Variants in PIK3R1 observed in about 807,000 individuals in gnomAD.
The protein encoded by PIK3R1 is phosphoinositide-3-kinase regulatory subunit 1.
Under a neutral mutation model 98.0 loss-of-function variants are expected in PIK3R1, and 29 were observed. That is an observed-to-expected ratio of 0.30 (90% CI 0.22 to 0.40). The LOEUF (loss-of-function observed/expected upper bound fraction) is 0.40. PIK3R1 is among the 10% of genes least tolerant of loss of function. PIK3R1 has a pLI of 1.00. For missense variants in PIK3R1, 596 were observed against 872.7 expected, an observed-to-expected ratio of 0.68 and a Z score of 3.99; for synonymous variants, 282 against 311.8, an observed-to-expected ratio of 0.90 and a Z score of 1.01.
At position 68,297,866 on chromosome 5, in the gene PIK3R1, A is replaced by T. The variant is rs1747819901; in HGVS notation, c.*265A>T. ...TGGTTTAATTTAAAGCCACAACCACATACAACACAAAGAGAAAAAGAAATG... is the reference window on the plus strand; with the variant it reads ...TGGTTTAATTTAAAGCCACAACCACTTACAACACAAAGAGAAAAAGAAATG... On this transcript the variant is annotated 3_prime_UTR_variant, in exon 16 of 16. Transcript: ENST00000521381. 3.2e-6 allele frequency: 1 copy of T among 309,128 alleles called. No individual in the cohort carries two copies. The highest frequency in any genetic ancestry group is 1.2e-4 in the South Asian group (1 of 8,072). 19.1% of individuals were successfully genotyped at this position (309,128 alleles called of 1,614,324 possible).
intron 7 of PIK3R1, among the ~76,000 whole-genome samples, chr5:68,288,972 C>T (rs1369192260): frequency 6.6e-6 from 1 of 152,034 alleles, no homozygotes; most frequent in Non-Finnish European, 1.5e-5. Flanking sequence ...CTAATTACAA[C>T]GTGCTTGGTT....
At chr5:68,216,471 C>T (rs1342563967) in intron 1 of PIK3R1, among the ~76,000 whole-genome samples, 1 of 152,126 alleles carries the variant, frequency 6.6e-6, no homozygotes, top group Non-Finnish European at 1.5e-5. Flanking sequence ...GCGGTGGTCC[C>T]CGGAGCTCGT....
intron 8 of PIK3R1, 160 bp downstream of exon 8, chr5:68,292,521 A>G (rs2112246619): frequency 6.6e-7 from 1 of 1,518,624 alleles, no homozygotes; most frequent in Non-Finnish European, 8.8e-7. Context: ...GCACTGGAGA[A>G]CTGTGGGTGC....
At position 68,297,904 on chromosome 5, in the gene PIK3R1, C is replaced by T. The variant is rs1580269928; in HGVS notation, c.*303C>T. 2 of 259,884 alleles carry T rather than the reference C, an allele frequency of 7.7e-6. No homozygotes were observed. Among genetic ancestry groups the T allele is most frequent in the Admixed American group, 5.3e-5 (1 of 18,922 alleles). The allele number at this position is 259,884 out of a possible 1,614,324, so 16.1% of individuals were successfully genotyped here. A position where few individuals can be genotyped will look rare whatever the true frequency, so the allele number is the denominator to read the frequency against. ...AGAAAAAGAAATGCAAAAATCTCTG[C>T]GTGCAGGGACAAAGAGGCCTTTAAC... On this transcript the variant is annotated 3_prime_UTR_variant, in exon 16 of 16. Coordinates refer to ENST00000521381, the MANE Select transcript of PIK3R1 (RefSeq NM_181523.3).
chr5:68,280,820 C>T, intron 6 of PIK3R1, 91 bp downstream of exon 6: 1 of 1,275,310 alleles, frequency 7.8e-7, no homozygotes. Context: ...TATACTACTC[C>T]AGAGATGCAT....
At chr5:68,230,218 C>G (rs1464052514) in intron 2 of PIK3R1, among the ~76,000 whole-genome samples, 1 of 152,230 alleles carries the variant, frequency 6.6e-6, no homozygotes, top group Non-Finnish European at 1.5e-5. Context: ...TGGGACCTAC[C>G]TCTCTGCTTT....
At chr5:68,219,051 C>T (rs1379309679) in intron 1 of PIK3R1, among the ~76,000 whole-genome samples, 3 of 152,092 alleles carry the variant, frequency 2.0e-5, no homozygotes, top group Non-Finnish European at 2.9e-5. Flanking sequence ...TGGCAATTAA[C>T]GACCATTTCA....
chr5:68,274,035 A>G, intron 4 of PIK3R1, 22 bp downstream of exon 4: 1 of 1,587,740 alleles, frequency 6.3e-7, no homozygotes, highest in East Asian at 2.2e-5. Context: ...AGAGCTAGAA[A>G]TGCAAATGGG....
intron 7 of PIK3R1, among the ~76,000 whole-genome samples, chr5:68,285,203 C>G (rs904240337): frequency 1.1e-4 from 17 of 152,192 alleles, no homozygotes; most frequent in Admixed American, 1.0e-3. Context: ...ATTGCACCCT[C>G]AAGCCCAGAG....
rs146327549 is a variant in PIK3R1, at chr5:68,280,692, A to G, written c.799A>G (p.Ile267Val). ...GTTGAATGCAAGAGTACTCTCTGAA[A>G]TTTTCAGCCCTATGCTTTTCAGATT... is the stretch of plus-strand genomic sequence containing the variant. ...NLLNARVLSE[I>V]FSPMLFRFSA... Residue 267 changes from isoleucine (I) to valine (V), a missense_variant, in exon 6 of 16, where the codon ATT becomes GTT. Coordinates refer to ENST00000521381, the MANE Select transcript of PIK3R1 (RefSeq NM_181523.3). 1 of 1,613,974 alleles carries G rather than the reference A, an allele frequency of 6.2e-7. No homozygotes were observed. The highest frequency in any genetic ancestry group is 1.3e-5 in the African/African-American group (1 of 74,922).
At chr5:68,295,050 G>A in intron 12 of PIK3R1, 98 bp from the exon 13 acceptor site, 1 of 938,154 alleles carries the variant, frequency 1.1e-6, no homozygotes, top group Non-Finnish European at 1.5e-6. Context: ...CTTTACCTAA[G>A]GAAAACTGCT....
chr5:68,269,487 A>G (rs893294174), intron 2 of PIK3R1, among the ~76,000 whole-genome samples: 3 of 152,160 alleles, frequency 2.0e-5, no homozygotes, highest in African/African-American at 7.2e-5. Flanking sequence ...TGTTTTTAGT[A>G]CTATTATTTT....
intron 2 of PIK3R1, among the ~76,000 whole-genome samples, chr5:68,262,910 G>T (rs1402270692): frequency 1.3e-4 from 9 of 66,874 alleles, no homozygotes; most frequent in South Asian, 5.7e-4. Context: ...TATACATGTA[G>T]ATACATGTAG....
At chr5:68,265,929 G>T (rs371270844) in intron 2 of PIK3R1, among the ~76,000 whole-genome samples, 158 of 152,274 alleles carry the variant, frequency 1.0e-3, no homozygotes, top group African/African-American at 3.6e-3. Context: ...AAGGAATCTG[G>T]TGCTGCTTTT....
At chr5:68,295,064 A>G (rs1367490279) in intron 12 of PIK3R1, 84 bp from the exon 13 acceptor site, 1 of 1,156,284 alleles carries the variant, frequency 8.6e-7, no homozygotes, top group African/African-American at 1.6e-5. Context: ...AACTGCTGGG[A>G]AACCATAGTG....
At chr5:68,258,982 T>G (rs1162450434) in intron 2 of PIK3R1, among the ~76,000 whole-genome samples, 1 of 152,204 alleles carries the variant, frequency 6.6e-6, no homozygotes, top group Non-Finnish European at 1.5e-5. Context: ...CTAAGGAATA[T>G]GATACTTTTT....
chr5:68,280,992 G>T lies in PIK3R1; in HGVS notation c.902G>T (p.Arg301Leu). The T allele has an allele frequency of 6.2e-7, 1 of 1,602,612 alleles. No individual in the cohort carries two copies. Among genetic ancestry groups the T allele is most frequent in the South Asian group, 1.1e-5 (1 of 89,246 alleles). The change falls in exon 7 of 16, where the codon CGA (arginine) becomes CTA (leucine). Residue 301 changes from arginine (R) to leucine (L), a missense_variant. By Grantham distance (102) the Arg-to-Leu change is moderately radical. Around this residue, in one of 3 missense-constraint regions of PIK3R1, gnomAD observed 352 missense variants for 393.3 expected, o/e 0.90. Transcript: ENST00000521381. ...EILISTEWNERQPAPALPPKP... is the reference protein window; with the variant it reads ...EILISTEWNELQPAPALPPKP... ...TTAATCTCAACTGAATGGAATGAAC[G>T]ACAGCCTGCACCAGGTAATGCTTTT...
chr5:68,250,946 A>G (rs1745283893), intron 2 of PIK3R1, among the ~76,000 whole-genome samples: 2 of 152,242 alleles, frequency 1.3e-5, no homozygotes, highest in African/African-American at 4.8e-5. Context: ...ATCCTTCAGA[A>G]GATAATTTTA....
intron 1 of PIK3R1, among the ~76,000 whole-genome samples, chr5:68,216,601 A>T (rs2111914354): frequency 6.6e-6 from 1 of 152,240 alleles, no homozygotes; most frequent in South Asian, 2.1e-4. Flanking sequence ...AAGCTTGGGC[A>T]GGTTGTTGGA....
Sources: allele counts gnomAD v4.1 joint callset (sites outside exome capture counted in the v4.1 genomes callset), GRCh38; gene constraint gnomAD v4.1.1; regional missense constraint gnomAD v4.1.1; transcripts MANE v1.5; gene names NCBI Gene and HGNC (gene_info 2026-07-23, HGNC 2026-07-21).